The following NDFIP2 variants were observed in gnomAD, a reference collection of about 807,000 sequenced individuals.
The protein encoded by NDFIP2 is NEDD4 family-interacting protein 2.
In NDFIP2, 19 loss-of-function variants were observed where a neutral mutation model predicts 36.0. The observed-to-expected ratio is 0.53, with a 90% CI of 0.37 to 0.77. NDFIP2 has a LOEUF of 0.77. Ranked by LOEUF, NDFIP2 falls within the 30% of genes least tolerant of loss-of-function variation. The probability of loss-of-function intolerance (pLI) is 0.00; values close to 1 mark genes in which losing one functional copy is unlikely to be tolerated. For missense variants in NDFIP2, 446 were observed against 435.8 expected, an observed-to-expected ratio of 1.02 and a Z score of -0.21; for synonymous variants, 181 against 167.7, an observed-to-expected ratio of 1.08 and a Z score of -0.61.
chr13:79,487,227 G>A (rs1010041279), intron 1 of NDFIP2, among the ~76,000 whole-genome samples: 6 of 151,768 alleles, frequency 4.0e-5, no homozygotes, highest in Non-Finnish European at 8.8e-5. Context: ...TGACTGTTCT[G>A]ATTTTTTCAC....
chr13:79,520,863 T>C lies in NDFIP2; in HGVS notation c.375T>C (p.Thr125=), dbSNP rs1874546646. 1 of 1,613,934 alleles carries C rather than the reference T, an allele frequency of 6.2e-7. No homozygotes were observed. The highest frequency in any genetic ancestry group is 8.5e-7 in the Non-Finnish European group (1 of 1,179,938). ...CATCGGCTATAGAGCAGCCACCTAC[T>C]TCAAACCCAGCACCGCAGATTGTGC... ...SESSAIEQPP[T]SNPAPQIVQA... is the part of the protein sequence containing the mutation. Residue 125 remains threonine, a synonymous_variant, in exon 2 of 8, where the codon ACT becomes ACC. Transcript: ENST00000218652.
chr13:79,500,111 G>A (rs1360596813), intron 1 of NDFIP2, among the ~76,000 whole-genome samples: 2 of 148,336 alleles, frequency 1.3e-5, no homozygotes, highest in African/African-American at 2.5e-5. Flanking sequence ...AGGCAACACA[G>A]TAAAGCAAAG....
At chr13:79,509,418 G>A (rs538143865) in intron 1 of NDFIP2, among the ~76,000 whole-genome samples, 50 of 152,240 alleles carry the variant, frequency 3.3e-4, no homozygotes, top group Middle Eastern at 6.8e-3. Flanking sequence ...GGAGACCAAG[G>A]TTTGATCATT....
intron 1 of NDFIP2, among the ~76,000 whole-genome samples, chr13:79,482,393 G>A (rs1477013639): frequency 6.6e-6 from 1 of 152,052 alleles, no homozygotes; most frequent in South Asian, 2.1e-4. Flanking sequence ...TGGTGGTGAC[G>A]TTGGAGATTC....
chr13:79,544,898 G>A (rs1875604638), intron 5 of NDFIP2, among the ~76,000 whole-genome samples: 1 of 151,980 alleles, frequency 6.6e-6, no homozygotes, highest in African/African-American at 2.4e-5. Context: ...CCTATGGACT[G>A]GTTTCTTCTA....
At chr13:79,491,074 A>T (rs908926276) in intron 1 of NDFIP2, among the ~76,000 whole-genome samples, 1 of 152,116 alleles carries the variant, frequency 6.6e-6, no homozygotes, top group African/African-American at 2.4e-5. Flanking sequence ...AGTACTTATC[A>T]TCTTCTGGTA....
At chr13:79,546,037 G>GT (rs1393905007) in intron 5 of NDFIP2, among the ~76,000 whole-genome samples, 1 of 152,156 alleles carries the variant, frequency 6.6e-6, no homozygotes, top group Non-Finnish European at 1.5e-5. Flanking sequence ...CAGTCTCACA[G>GT]TTTTTAATGT....
At chr13:79,483,665 A>G (rs1594836808) in intron 1 of NDFIP2, among the ~76,000 whole-genome samples, 1 of 152,228 alleles carries the variant, frequency 6.6e-6, no homozygotes, top group East Asian at 1.9e-4. Context: ...ACAGCTTTTC[A>G]TACTGGAAAG....
In NDFIP2 at chr13:79,553,984, A is replaced by AT. The variant is rs1290157198; in HGVS notation, c.*1476dup. On this transcript the variant is annotated 3_prime_UTR_variant, in exon 8 of 8. Transcript: ENST00000218652. ...AAGGTACATCTAACTATTCAGGGAC[A>AT]TTTTTCCATTTCCAAAAAATAAAAT... 6.6e-6 allele frequency: 1 copy of AT among 151,512 alleles called. No homozygotes were observed. Among genetic ancestry groups the AT allele is most frequent in the Non-Finnish European group, 1.5e-5 (1 of 67,542 alleles). 9.4% of individuals were successfully genotyped at this position (151,512 alleles called of 1,614,324 possible).
intron 1 of NDFIP2, among the ~76,000 whole-genome samples, chr13:79,513,802 T>C (rs74100706): frequency 6.6e-6 from 1 of 152,140 alleles, no homozygotes; most frequent in Non-Finnish European, 1.5e-5. Context: ...AAGTCATAAT[T>C]GTAGGACAGA....
intron 1 of NDFIP2, among the ~76,000 whole-genome samples, chr13:79,511,291 AG>A (rs1874075858): frequency 1.3e-5 from 2 of 152,212 alleles, no homozygotes; most frequent in South Asian, 4.1e-4. Context: ...TTTGGGGTAC[AG>A]TATTTTGATT....
chr13:79,534,667 A>G (rs2137103081), intron 3 of NDFIP2, among the ~76,000 whole-genome samples: 1 of 151,998 alleles, frequency 6.6e-6, no homozygotes, highest in East Asian at 1.9e-4. Flanking sequence ...CCCTGGATTC[A>G]CCCCATTTTG....
chr13:79,518,314 T>G lies in NDFIP2; in HGVS notation c.322-2496T>G, dbSNP rs556469546. On this transcript the variant is annotated intron_variant, in intron 1 of 7. Coordinates refer to ENST00000218652, the MANE Select transcript of NDFIP2 (RefSeq NM_019080.3). ...CAATTTATGTGAATTGATCTCATTA[T>G]GTAAATCTTAATGTTATGATGTTTG... is the stretch of plus-strand genomic sequence containing the variant. Among the ~76,000 whole-genome samples, 52 of 152,368 alleles carry G rather than the reference T, an allele frequency of 3.4e-4. 1 individual carries two copies. Among genetic ancestry groups the G allele is most frequent in the African/African-American group, 1.2e-3 (48 of 41,592 alleles).
At chr13:79,509,690 T>TATAGAG (rs113326163) in intron 1 of NDFIP2, among the ~76,000 whole-genome samples, 244 of 147,920 alleles carry the variant, frequency 1.6e-3, no homozygotes, top group South Asian at 0.013. Flanking sequence ...TATATATATA[T>TATAGAG]AGAGAGAGAG....
In NDFIP2 at chr13:79,548,267, A is replaced by C; in HGVS notation, c.841-61A>C. 3.3e-6 allele frequency: 4 copies of C among 1,195,210 alleles called. No individual in the cohort carries two copies. In the South Asian group the frequency reaches 5.4e-5, roughly 16 times the overall value. 74.0% of individuals were successfully genotyped at this position (1,195,210 alleles called of 1,614,324 possible). A position where few individuals can be genotyped will look rare whatever the true frequency, so the allele number is the denominator to read the frequency against. ...GTAAATCATTATGAAACTGAAGATA[A>C]TTTATGATTTTCAAATTCAGGTGTA... is the stretch of plus-strand genomic sequence containing the variant. On this transcript the variant is annotated intron_variant, in intron 5 of 7. Transcript: ENST00000218652.
Position 79,553,283 on chromosome 13 carries a change from G to A in NDFIP2, c.*770G>A, listed in dbSNP as rs991977322. The stretch of plus-strand genomic sequence containing the variant: ...GTTTTAGGACAAATTTTAAGAAAAT[G>A]TGGGAATACCAAATGTCCTTTATAA... On this transcript the variant is annotated 3_prime_UTR_variant, in exon 8 of 8. Transcript: ENST00000218652. The A allele has an allele frequency of 6.6e-6, 1 of 151,264 alleles. No individual in the cohort carries two copies. The highest frequency in any genetic ancestry group is 2.4e-5 in the African/African-American group (1 of 41,378). 9.4% of individuals were successfully genotyped at this position (151,264 alleles called of 1,614,324 possible). A position where few individuals can be genotyped will look rare whatever the true frequency, so the allele number is the denominator to read the frequency against.
At chr13:79,494,960 G>C (rs1873381614) in intron 1 of NDFIP2, among the ~76,000 whole-genome samples, 2 of 151,528 alleles carry the variant, frequency 1.3e-5, no homozygotes, top group South Asian at 4.2e-4. Flanking sequence ...TTTTGGCTTT[G>C]TTAAATTTCT....
At chr13:79,517,458 C>G (rs1230375276) in intron 1 of NDFIP2, among the ~76,000 whole-genome samples, 1 of 151,164 alleles carries the variant, frequency 6.6e-6, no homozygotes, top group Admixed American at 6.6e-5. Flanking sequence ...TTATTTTAAC[C>G]CTCGTGATGG....
intron 1 of NDFIP2, among the ~76,000 whole-genome samples, chr13:79,520,370 C>T (rs1056222550): frequency 1.3e-5 from 2 of 152,094 alleles, no homozygotes; most frequent in African/African-American, 2.4e-5. Context: ...TAGCACCAAA[C>T]CTTCTCCTTC....
Sources: allele counts gnomAD v4.1 joint callset (sites outside exome capture counted in the v4.1 genomes callset), GRCh38; gene constraint gnomAD v4.1.1; transcripts MANE v1.5; gene names NCBI Gene and HGNC (gene_info 2026-07-23, HGNC 2026-07-21).